The following PARN variants were observed in gnomAD, a reference collection of about 807,000 sequenced individuals.
PARN encodes the protein poly(A)-specific ribonuclease.
Under a neutral mutation model 102.8 loss-of-function variants are expected in PARN, and 71 were observed. The observed-to-expected ratio is 0.69, with a 90% CI of 0.57 to 0.84. The LOEUF (loss-of-function observed/expected upper bound fraction) is 0.84, where lower values mean the gene tolerates loss of function less well. PARN is among the 40% of genes least tolerant of loss of function. The pLI is 0.00. For synonymous variants in PARN, 261 were observed against 252.9 expected, an observed-to-expected ratio of 1.03 and a Z score of -0.30; for missense variants, 782 against 760.9, an observed-to-expected ratio of 1.03 and a Z score of -0.33.
At chr16:14,465,351 G>A (rs1962266825) in intron 22 of PARN, among the ~76,000 whole-genome samples, 1 of 152,130 alleles carries the variant, frequency 6.6e-6, no homozygotes, top group Non-Finnish European at 1.5e-5. Context: ...CCAAAGTGCT[G>A]GGATTACAGG....
chr16:14,453,966 A>T (rs1961573682), intron 22 of PARN, among the ~76,000 whole-genome samples: 3 of 152,230 alleles, frequency 2.0e-5, no homozygotes, highest in African/African-American at 7.2e-5. Context: ...ATATATAAAA[A>T]TACATTTGCA....
At chr16:14,555,893 T>A (rs1043213019) in intron 18 of PARN, among the ~76,000 whole-genome samples, 184 bp from the exon 19 acceptor site, 1 of 152,056 alleles carries the variant, frequency 6.6e-6, no homozygotes, top group Non-Finnish European at 1.5e-5. Flanking sequence ...TTAGATGGAG[T>A]TTCACTCTGC....
chr16:14,609,243 C>T (rs1223885390), intron 7 of PARN, 120 bp from the exon 8 acceptor site: 1 of 586,024 alleles, frequency 1.7e-6, no homozygotes, highest in African/African-American at 1.9e-5. Context: ...GTAATTCTAC[C>T]AAATTACCCT....
At chr16:14,546,545 T>C (rs942799873) in intron 21 of PARN, among the ~76,000 whole-genome samples, 1 of 152,238 alleles carries the variant, frequency 6.6e-6, no homozygotes, top group Non-Finnish European at 1.5e-5. Context: ...TCTTACAGTA[T>C]CTACTGTGTG....
At chr16:14,600,624 C>T (rs78907081) in intron 11 of PARN, among the ~76,000 whole-genome samples, 6,521 of 152,152 alleles carry the variant, frequency 0.043, 155 homozygotes, top group African/African-American at 0.051. Context: ...AAATTGCTCA[C>T]CTCCTTAAAA....
At chr16:14,589,022 A>G (rs1320253864) in intron 13 of PARN, among the ~76,000 whole-genome samples, 1 of 152,092 alleles carries the variant, frequency 6.6e-6, no homozygotes, top group East Asian at 1.9e-4. Flanking sequence ...TCTACTGAAA[A>G]TATAAAAATT....
chr16:14,624,796 A>G (rs776477574), intron 5 of PARN, among the ~76,000 whole-genome samples: 1 of 152,176 alleles, frequency 6.6e-6, no homozygotes, highest in Non-Finnish European at 1.5e-5. Context: ...GCATGCCTGT[A>G]ATCCCAGCAC....
intron 21 of PARN, among the ~76,000 whole-genome samples, chr16:14,524,353 C>G (rs1349747638): frequency 1.3e-5 from 2 of 152,256 alleles, no homozygotes; most frequent in African/African-American, 2.4e-5. Flanking sequence ...CATCAAGATT[C>G]ATTACCAGGT....
intron 18 of PARN, among the ~76,000 whole-genome samples, chr16:14,579,874 G>C (rs1000488023): frequency 6.6e-6 from 1 of 151,770 alleles, no homozygotes; most frequent in Admixed American, 6.6e-5. Context: ...TACTCCATAG[G>C]CTGCAGCAGG....
intron 2 of PARN, 48 bp downstream of exon 2, chr16:14,629,549 T>C (rs766988127): frequency 1.5e-6 from 2 of 1,335,060 alleles, no homozygotes; most frequent in Non-Finnish European, 2.2e-6. Flanking sequence ...GAAGGAGCCT[T>C]GGCTATGCAC....
chr16:14,448,916 G>C (rs1398467816), intron 22 of PARN, among the ~76,000 whole-genome samples: 2 of 152,182 alleles, frequency 1.3e-5, no homozygotes, highest in Non-Finnish European at 2.9e-5. Flanking sequence ...TTTCGGCAGT[G>C]GGGGGTGGCT....
At chr16:14,463,938 A>G (rs1962164704) in intron 22 of PARN, among the ~76,000 whole-genome samples, 1 of 150,296 alleles carries the variant, frequency 6.7e-6, no homozygotes. Context: ...GGCTCAAGTG[A>G]TCCTCCCACT....
intron 13 of PARN, among the ~76,000 whole-genome samples, chr16:14,589,443 T>C (rs1970039333): frequency 6.6e-6 from 1 of 151,934 alleles, no homozygotes; most frequent in East Asian, 1.9e-4. Context: ...CATGTGCCTG[T>C]GGTCCCAGCT....
At chr16:14,443,478 T>C (rs1458318375) in intron 23 of PARN, among the ~76,000 whole-genome samples, 1 of 151,916 alleles carries the variant, frequency 6.6e-6, no homozygotes, top group African/African-American at 2.4e-5. Flanking sequence ...GTAGCTGGGA[T>C]TACAGGTGTG....
At chr16:14,547,107 G>GGA (rs1966999931) in intron 21 of PARN, among the ~76,000 whole-genome samples, 2 of 147,320 alleles carry the variant, frequency 1.4e-5, no homozygotes, top group South Asian at 4.3e-4. Context: ...AAAAAAAAAA[G>GGA]AAAAAAAAAG....
At chr16:14,588,693 C>A (rs778579465) in intron 13 of PARN, among the ~76,000 whole-genome samples, 14 of 152,022 alleles carry the variant, frequency 9.2e-5, no homozygotes, top group Non-Finnish European at 2.1e-4. Context: ...GCCTGGCAAG[C>A]ATGGTGAAAT....
At chr16:14,517,159 A>G (rs1220533268) in intron 21 of PARN, among the ~76,000 whole-genome samples, 1 of 152,220 alleles carries the variant, frequency 6.6e-6, no homozygotes, top group Non-Finnish European at 1.5e-5. Context: ...TGCCCCTTGC[A>G]ATGTGACTTT....
At chr16:14,608,236 T>C in intron 9 of PARN, 45 bp downstream of exon 9, 2 of 1,369,088 alleles carry the variant, frequency 1.5e-6, no homozygotes, top group Non-Finnish European at 2.0e-6. Context: ...AGTCTTTAAA[T>C]CCTGGGTCCC....
At chr16:14,595,835 T>C (rs185766345) in intron 12 of PARN, among the ~76,000 whole-genome samples, 98 of 151,922 alleles carry the variant, frequency 6.5e-4, no homozygotes, top group African/African-American at 2.1e-3. Flanking sequence ...CCAGCCAATT[T>C]TTACATTTTT....
Sources: allele counts gnomAD v4.1 joint callset (sites outside exome capture counted in the v4.1 genomes callset), GRCh38; gene constraint gnomAD v4.1.1; transcripts MANE v1.5; gene names NCBI Gene and HGNC (gene_info 2026-07-23, HGNC 2026-07-21).